Variants in SLC2A5 observed in about 807,000 individuals in gnomAD.
The protein encoded by SLC2A5 is solute carrier family 2, facilitated glucose transporter member 5.
A neutral mutation model predicts 50.3 loss-of-function variants in SLC2A5; 56 were observed. The ratio of observed to expected loss-of-function variants is 1.11; its 90% confidence interval spans 0.90 to 1.39. The LOEUF is 1.39. Ranked by LOEUF, SLC2A5 falls within the 40% of genes most tolerant of loss-of-function variation. The probability of loss-of-function intolerance (pLI) is 0.00; values close to 1 mark genes in which losing one functional copy is unlikely to be tolerated. For missense variants in SLC2A5, 566 were observed against 650.1 expected (o/e 0.87, Z 1.41); for synonymous variants, 269 against 281.9 (o/e 0.95, Z 0.46).
intron 3 of SLC2A5, among the ~76,000 whole-genome samples, chr1:9,055,250 G>A (rs1641719222): frequency 6.6e-6 from 1 of 152,072 alleles, no homozygotes; most frequent in South Asian, 2.1e-4. Context: ...GGGTGCGGTG[G>A]CTCACACCTG....
intron 2 of SLC2A5, among the ~76,000 whole-genome samples, chr1:9,080,028 T>C (rs1026294697): frequency 9.2e-5 from 14 of 152,342 alleles, no homozygotes; most frequent in African/African-American, 3.4e-4. Flanking sequence ...ATTTGGGCAC[T>C]CACAATACCT....
At chr1:9,067,387 T>G (rs866918665) in intron 1 of SLC2A5, among the ~76,000 whole-genome samples, 36 of 152,358 alleles carry the variant, frequency 2.4e-4, no homozygotes, top group Middle Eastern at 6.8e-3. Flanking sequence ...CTCTCGCATG[T>G]GGCCATCTGA....
chr1:9,067,837 G>A lies in SLC2A5; in HGVS notation c.33+1667C>T, dbSNP rs867168118. Among the ~76,000 whole-genome samples the A allele has an allele frequency of 9.2e-5, 14 of 152,260 alleles. No individual in the cohort carries two copies. In the Middle Eastern group the frequency reaches 0.01, roughly 111 times the overall value. On this transcript the variant is annotated intron_variant, in intron 1 of 11. Coordinates refer to ENST00000377424, the MANE Select transcript of SLC2A5 (RefSeq NM_003039.3). Reference sequence around the variant, plus strand: ...CCCCTACAACGAAGCGTTAGCCAGTGCCAAATGGAAATCACGCGGAGGTGG... The same window carrying A: ...CCCCTACAACGAAGCGTTAGCCAGTACCAAATGGAAATCACGCGGAGGTGG...
chr1:9,052,498 T>C (rs1202315381), intron 3 of SLC2A5, among the ~76,000 whole-genome samples: 1 of 152,138 alleles, frequency 6.6e-6, no homozygotes, highest in Non-Finnish European at 1.5e-5. Context: ...TACGCATTTG[T>C]CAAAACCCAT....
In SLC2A5 at chr1:9,069,594, A is replaced by G; in HGVS notation, c.-58T>C. The G allele has an allele frequency of 3.8e-6, 6 of 1,596,008 alleles. No homozygotes were observed. Among genetic ancestry groups the G allele is most frequent in the Non-Finnish European group, 5.2e-6 (6 of 1,164,574 alleles). On this transcript the variant is annotated 5_prime_UTR_variant, in exon 1 of 12. Coordinates refer to ENST00000377424, the MANE Select transcript of SLC2A5 (RefSeq NM_003039.3). ...TCCTTTTAGCCAAAGTAACGCGTGC[A>G]CTGAATGGAGAGAGAAGACATTCTG...
the SLC2A5 span, among the ~76,000 whole-genome samples, chr1:9,093,823 T>A: frequency 6.6e-6 from 1 of 152,304 alleles, no homozygotes; most frequent in Non-Finnish European, 1.5e-5. Flanking sequence ...CAGCCCTTCC[T>A]GCACCCCTTC....
rs747877212 is a variant in SLC2A5 at position 9,058,198 on chromosome 1, G to T, written c.86C>A (p.Ser29Tyr). Residue 29 changes from serine (S) to tyrosine (Y), a missense_variant, in exon 2 of 12, where the codon TCC becomes TAC. By Grantham distance (144) the Ser-to-Tyr change is moderately radical. Transcript: ENST00000377424. ...AGCCACGTTGTACCCATACTGGAAG[G>T]ATGACCCAAAGGCAGCTATCAGGGT... ...LATLIAAFGS[S>Y]FQYGYNVAAV... 1 of 1,614,104 alleles carries T rather than the reference G, an allele frequency of 6.2e-7. No individual in the cohort carries two copies. The highest frequency in any genetic ancestry group is 8.5e-7 in the Non-Finnish European group (1 of 1,179,950).
chr1:9,057,345 T>A, intron 3 of SLC2A5, 103 bp downstream of exon 3: 1 of 617,958 alleles, frequency 1.6e-6, no homozygotes, highest in Non-Finnish European at 2.6e-6. Flanking sequence ...ACCACAGTGG[T>A]TATTATCTTA....
chr1:9,053,142 TGTTAA>T (rs1641632441), intron 3 of SLC2A5, among the ~76,000 whole-genome samples: 1 of 74,158 alleles, frequency 1.3e-5, no homozygotes, highest in African/African-American at 5.5e-5. Flanking sequence ...TATATTTATA[TGTTAA>T]TATATATTTT....
In SLC2A5 at chr1:9,084,035, G is replaced by T. The variant is rs190019229; in HGVS notation, c.-59+979C>A. 1.0e-3 allele frequency among the ~76,000 whole-genome samples: 151 copies of T among 151,170 alleles called. 3 individuals are homozygous for T. The highest frequency in any genetic ancestry group is 3.2e-3 in the African/African-American group (130 of 41,178). On this transcript the variant is annotated intron_variant, in intron 2 of 5. Transcript: ENST00000464985. ...GGCGGGCGCCTGTAGTCCCAGCTACGCGGGAGGCTGAGGCAGGAGCATGGC... is the reference window on the plus strand; with the variant it reads ...GGCGGGCGCCTGTAGTCCCAGCTACTCGGGAGGCTGAGGCAGGAGCATGGC...
At chr1:9,078,321 T>A (rs1048874122) in intron 2 of SLC2A5, among the ~76,000 whole-genome samples, 13 of 152,332 alleles carry the variant, frequency 8.5e-5, no homozygotes, top group Non-Finnish European at 4.4e-5. Context: ...TTTGTGACCT[T>A]GTGCTGACTT....
exon 2 of SLC2A5, chr1:9,085,038 G>C (rs928591635): frequency 5.9e-5 from 9 of 152,574 alleles, no homozygotes; most frequent in African/African-American, 2.2e-4. Flanking sequence ...GCACCCGCAG[G>C]ACTCTCCTTG....
intron 3 of SLC2A5, among the ~76,000 whole-genome samples, chr1:9,056,080 T>C (rs990673536): frequency 6.6e-6 from 1 of 152,146 alleles, no homozygotes; most frequent in Non-Finnish European, 1.5e-5. Flanking sequence ...CAGGTCTGAT[T>C]CTGACTGGAG....
At chr1:9,046,057 G>A (rs1641426869) in intron 4 of SLC2A5, among the ~76,000 whole-genome samples, 1 of 152,012 alleles carries the variant, frequency 6.6e-6, no homozygotes. Flanking sequence ...TAGCTGAGGG[G>A]TTTATGGACA....
At chr1:9,079,788 AT>A (rs1642333124) in intron 2 of SLC2A5, among the ~76,000 whole-genome samples, 1 of 152,180 alleles carries the variant, frequency 6.6e-6, no homozygotes, top group Non-Finnish European at 1.5e-5. Context: ...CGCCCAGCCG[AT>A]ATCCCTCTTT....
At chr1:9,039,694 C>A (rs1641243322) in intron 7 of SLC2A5, 32 bp from the exon 8 acceptor site, 1 of 1,476,472 alleles carries the variant, frequency 6.8e-7, no homozygotes, top group South Asian at 1.3e-5. Flanking sequence ...GGGCGGCTGC[C>A]CGGAGGAGGC....
At chr1:9,051,311 T>C (rs1051228910) in intron 3 of SLC2A5, among the ~76,000 whole-genome samples, 1 of 152,102 alleles carries the variant, frequency 6.6e-6, no homozygotes, top group Non-Finnish European at 1.5e-5. Flanking sequence ...AAGCTGGTCT[T>C]CATTAAAATT....
chr1:9,035,839 G>T lies in SLC2A5; in HGVS notation c.*1747C>A, dbSNP rs981671127. On this transcript the variant is annotated 3_prime_UTR_variant, in exon 12 of 12. Transcript: ENST00000377424. ...TCACAATCATGCCAGAAAGCAAAAG[G>T]CACGTCTTACCTGGTGGCAGGCAAG... 1.3e-5 allele frequency: 2 copies of T among 152,214 alleles called. No homozygotes were observed. Among genetic ancestry groups the T allele is most frequent in the African/African-American group, 2.4e-5 (1 of 41,424 alleles). 9.4% of individuals were successfully genotyped at this position (152,214 alleles called of 1,614,324 possible).
upstream of SLC2A5, among the ~76,000 whole-genome samples, chr1:9,093,034 G>A (rs1036151166): frequency 6.6e-6 from 1 of 151,946 alleles, no homozygotes; most frequent in African/African-American, 2.4e-5. Context: ...TGCACCTCAG[G>A]GTCAAGCCCC....
Sources: allele counts gnomAD v4.1 joint callset (sites outside exome capture counted in the v4.1 genomes callset), GRCh38; gene constraint gnomAD v4.1.1; transcripts MANE v1.5; gene names NCBI Gene and HGNC (gene_info 2026-07-23, HGNC 2026-07-21).